KIF26B: variants seen among roughly 807,000 people sequenced by gnomAD.
KIF26B encodes kinesin family member 26B.
In KIF26B, 63 loss-of-function variants were observed where a neutral mutation model predicts 151.2. The observed-to-expected ratio is 0.42, with a 90% CI of 0.34 to 0.51. The LOEUF is 0.51. Among genes scored for constraint, KIF26B ranks in the 20% least tolerant of loss-of-function variants. The probability of loss-of-function intolerance (pLI) is 0.07; values close to 1 mark genes in which losing one functional copy is unlikely to be tolerated. For synonymous variants in KIF26B, 1,357 were observed against 1,262.1 expected (o/e 1.08, Z -1.59); for missense variants, 2,813 against 2,913.6 (o/e 0.97, Z 0.79).
At chr1:245,214,731 T>C (rs1300555643) in intron 2 of KIF26B, among the ~76,000 whole-genome samples, 2 of 151,792 alleles carry the variant, frequency 1.3e-5, no homozygotes, top group South Asian at 2.1e-4. Flanking sequence ...TCCCAACTAG[T>C]TGGGAGGCTG....
chr1:245,494,864 ACT>A (rs962831615), intron 4 of KIF26B, among the ~76,000 whole-genome samples: 2 of 150,842 alleles, frequency 1.3e-5, no homozygotes, highest in African/African-American at 4.9e-5. Context: ...ACACGGTGAA[ACT>A]CTGTCTCTAT....
intron 5 of KIF26B, among the ~76,000 whole-genome samples, chr1:245,551,015 C>G (rs962308984): frequency 6.6e-6 from 1 of 152,086 alleles, no homozygotes; most frequent in African/African-American, 2.4e-5. Context: ...ATTTTTGTCC[C>G]GTCATCATGC....
At chr1:245,258,178 C>T (rs2103568600) in intron 2 of KIF26B, among the ~76,000 whole-genome samples, 1 of 152,324 alleles carries the variant, frequency 6.6e-6, no homozygotes, top group Admixed American at 6.5e-5. Context: ...ATGATTTCCT[C>T]CTCCTCGTCA....
At chr1:245,555,518 T>G (rs1485893152) in intron 5 of KIF26B, among the ~76,000 whole-genome samples, 4 of 152,114 alleles carry the variant, frequency 2.6e-5, no homozygotes, top group African/African-American at 7.2e-5. Context: ...GGAGCTCAGA[T>G]GAGCGGGCGG....
intron 5 of KIF26B, among the ~76,000 whole-genome samples, chr1:245,550,985 T>C (rs1277257399): frequency 6.6e-6 from 1 of 152,218 alleles, no homozygotes; most frequent in Admixed American, 6.5e-5. Context: ...CCTTAGCCCA[T>C]GATGAGCTGA....
At chr1:245,583,669 C>A (rs1305992522) in intron 5 of KIF26B, among the ~76,000 whole-genome samples, 7 of 152,182 alleles carry the variant, frequency 4.6e-5, no homozygotes, top group Admixed American at 4.6e-4. Context: ...TGGGTGGTAT[C>A]ATAATAAGAT....
At chr1:245,480,079 C>A (rs563730011) in intron 4 of KIF26B, among the ~76,000 whole-genome samples, 1 of 150,960 alleles carries the variant, frequency 6.6e-6, no homozygotes, top group African/African-American at 2.4e-5. Flanking sequence ...GCCTGGGCAA[C>A]ATGGCGTGAC....
chr1:245,458,247 C>T (rs1659581260), intron 4 of KIF26B, among the ~76,000 whole-genome samples: 1 of 152,174 alleles, frequency 6.6e-6, no homozygotes, highest in South Asian at 2.1e-4. Flanking sequence ...CTCTTAACCC[C>T]AGGCTGTGCT....
intron 2 of KIF26B, among the ~76,000 whole-genome samples, chr1:245,199,319 C>G (rs964276564): frequency 2.6e-4 from 39 of 152,220 alleles, no homozygotes; most frequent in Admixed American, 4.6e-4. Flanking sequence ...CCTCCTCCCT[C>G]CCTCCTCCCT....
At chr1:245,188,118 A>G (rs4658722) in intron 2 of KIF26B, among the ~76,000 whole-genome samples, 131,441 of 151,462 alleles carry the variant, frequency 0.87, 57,575 homozygotes, top group Non-Finnish European at 0.94. Context: ...CATCTCTACT[A>G]AAAATACAAA....
chr1:245,245,875 G>T (rs189941590), intron 2 of KIF26B, among the ~76,000 whole-genome samples: 1 of 142,320 alleles, frequency 7.0e-6, no homozygotes, highest in African/African-American at 2.6e-5. Flanking sequence ...GCAGTGAGCC[G>T]AGATCACACT....
In KIF26B at chr1:245,572,828, C is replaced by T. The variant is rs2043078155; in HGVS notation, c.1351-29749C>T. 6.6e-6 allele frequency among the ~76,000 whole-genome samples: 1 copy of T among 152,112 alleles called. No homozygotes were observed. Among genetic ancestry groups the T allele is most frequent in the Non-Finnish European group, 1.5e-5 (1 of 68,036 alleles). ...GATCAACTGATAAGGCCTTTTGTGG[C>T]TCAGATGTGTCTTTGCGGGGAAATG... On this transcript the variant is annotated intron_variant, in intron 5 of 14. Transcript: ENST00000407071. This position sits in a 1 kb window ranked among gnomAD's most constrained non-coding sequence, Gnocchi z 4.2.
intron 9 of KIF26B, among the ~76,000 whole-genome samples, chr1:245,641,633 C>T (rs1035165113): frequency 6.6e-6 from 1 of 151,930 alleles, no homozygotes; most frequent in Admixed American, 6.6e-5. Flanking sequence ...TTGCATTTTT[C>T]ATTTCATTTA....
intron 10 of KIF26B, among the ~76,000 whole-genome samples, chr1:245,655,136 G>A (rs1049429847): frequency 3.3e-5 from 5 of 152,224 alleles, no homozygotes; most frequent in Non-Finnish European, 5.9e-5. Flanking sequence ...GGCCCGGTGA[G>A]ATGGATTCTA....
chr1:245,666,972 A>G (rs1308629378), intron 10 of KIF26B, among the ~76,000 whole-genome samples: 1 of 152,046 alleles, frequency 6.6e-6, no homozygotes, highest in Non-Finnish European at 1.5e-5. Flanking sequence ...GGAACGTTGT[A>G]CATCAGGAGG....
intron 2 of KIF26B, among the ~76,000 whole-genome samples, chr1:245,226,985 G>C (rs1669889350): frequency 6.6e-6 from 1 of 152,144 alleles, no homozygotes; most frequent in East Asian, 1.9e-4. Flanking sequence ...GCTTTGTCAG[G>C]CAGCATCTTT....
intron 5 of KIF26B, among the ~76,000 whole-genome samples, chr1:245,547,897 C>T (rs1272699833): frequency 6.6e-6 from 1 of 152,190 alleles, no homozygotes; most frequent in Non-Finnish European, 1.5e-5. Context: ...AGTCTCCTAT[C>T]TTATATACCA....
At chr1:245,492,739 A>T (rs1337288902) in intron 4 of KIF26B, among the ~76,000 whole-genome samples, 1 of 152,012 alleles carries the variant, frequency 6.6e-6, no homozygotes. Context: ...CTCCTACAAA[A>T]CCTTGTTTCC....
intron 2 of KIF26B, among the ~76,000 whole-genome samples, chr1:245,254,469 G>GA (rs1452059675): frequency 6.6e-6 from 1 of 152,118 alleles, no homozygotes; most frequent in Non-Finnish European, 1.5e-5. Flanking sequence ...TTTGCTAAAG[G>GA]AAAAATAACA....
Sources: allele counts gnomAD v4.1 joint callset (sites outside exome capture counted in the v4.1 genomes callset), GRCh38; gene constraint gnomAD v4.1.1; non-coding constraint Gnocchi (gnomAD v3.1); transcripts MANE v1.5; gene names NCBI Gene and HGNC (gene_info 2026-07-23, HGNC 2026-07-21).